The following DNAH7 variants were observed in gnomAD, a reference collection of about 807,000 sequenced individuals.
The protein encoded by DNAH7 is dynein axonemal heavy chain 7, also known as axonemal beta dynein heavy chain 7.
A neutral mutation model predicts 444.6 loss-of-function variants in DNAH7; 397 were observed. The ratio of observed to expected loss-of-function variants is 0.89; its 90% CI spans 0.82 to 0.97. DNAH7 has a LOEUF of 0.97. Ranked by LOEUF, DNAH7 falls within the 50% of genes least tolerant of loss-of-function variation. The pLI, the probability that DNAH7 is intolerant of heterozygous loss-of-function variation, is 0.00. For missense variants in DNAH7, 4,902 were observed against 4,800.8 expected, an observed-to-expected ratio of 1.02 and a Z score of -0.62; for synonymous variants, 1,636 against 1,624.4, an observed-to-expected ratio of 1.01 and a Z score of -0.17.
chr2:195,969,967 A>C lies in DNAH7; in HGVS notation c.2186T>G (p.Leu729Trp), dbSNP rs1364934988. The C allele has an allele frequency of 1.2e-6, 2 of 1,606,256 alleles. No homozygotes were observed. The highest frequency in any genetic ancestry group is 2.7e-5 in the African/African-American group (2 of 74,612). Residue 729 changes from leucine (L) to tryptophan (W), a missense_variant, in exon 17 of 65, where the codon TTG becomes TGG. Coordinates refer to ENST00000312428, the MANE Select transcript of DNAH7 (RefSeq NM_018897.3). Reference protein sequence around the residue: ...LKKAQILNGKLDLAADKIEQF... With the variant: ...LKKAQILNGKWDLAADKIEQF... ...TTATACCTTATCTGCAGCTAAATCC[A>C]ACTTTCCATTCAGTATTTGAGCCTT...
At chr2:195,983,714 G>A (rs1692722790) in intron 15 of DNAH7, among the ~76,000 whole-genome samples, 3 of 152,264 alleles carry the variant, frequency 2.0e-5, no homozygotes, top group Non-Finnish European at 1.5e-5. Context: ...TGATGAAAGT[G>A]AGACTTATCT....
rs1688353858 is a variant in DNAH7, at chr2:195,926,620, A to G, written c.3472-54T>C. The G allele has an allele frequency of 6.1e-6, 9 of 1,481,058 alleles. No homozygotes were observed. The South Asian group carries it at 1.1e-4, about 18-fold the overall frequency. The allele number at this position is 1,481,058 out of a possible 1,614,324, so 91.7% of individuals were successfully genotyped here. A position where few individuals can be genotyped will look rare whatever the true frequency, so the allele number is the denominator to read the frequency against. ...AACCATTTCCTGAACAAGTTATACA[A>G]TTGAGAGCTAAACTAAACTAGATTA... On this transcript the variant is annotated intron_variant, in intron 21 of 64. Transcript: ENST00000312428.
At chr2:195,849,760 C>A (rs1699236283) in intron 46 of DNAH7, among the ~76,000 whole-genome samples, 1 of 152,066 alleles carries the variant, frequency 6.6e-6, no homozygotes, top group Non-Finnish European at 1.5e-5. Context: ...CACCACCATG[C>A]CCGGATAATT....
intron 19 of DNAH7, among the ~76,000 whole-genome samples, chr2:195,940,658 A>G (rs536439418): frequency 6.6e-6 from 1 of 152,240 alleles, no homozygotes; most frequent in Admixed American, 6.5e-5. Flanking sequence ...CAGAATCTAC[A>G]AGGAACTTAA....
At chr2:196,049,857 A>T (rs552724576) in intron 3 of DNAH7, among the ~76,000 whole-genome samples, 8 of 152,354 alleles carry the variant, frequency 5.3e-5, no homozygotes, top group African/African-American at 1.9e-4. Context: ...GTAAACTAAC[A>T]ATCTGCAACA....
chr2:196,041,149 T>C (rs1158156286), intron 5 of DNAH7, among the ~76,000 whole-genome samples: 1 of 152,090 alleles, frequency 6.6e-6, no homozygotes, highest in Non-Finnish European at 1.5e-5. Context: ...ATACATTCAA[T>C]ACACTCCCTA....
At chr2:195,787,946 G>A (rs1442691811) in intron 57 of DNAH7, among the ~76,000 whole-genome samples, 1 of 152,148 alleles carries the variant, frequency 6.6e-6, no homozygotes, top group Non-Finnish European at 1.5e-5. Context: ...CTGCCACGGG[G>A]TGAGGAAACC....
rs59838531 is a variant in DNAH7, at chr2:195,771,771, T to C, written c.11322A>G (p.Pro3774=). 2 of 1,614,216 alleles carry C rather than the reference T, an allele frequency of 1.2e-6. No homozygotes were observed. Among genetic ancestry groups the C allele is most frequent in the African/African-American group, 2.7e-5 (2 of 75,064 alleles). ...FDIEAAMRRY[P]TTYTQSMNTV... ...TGTTCATGCTCTGAGTATAAGTTGT[T>C]GGGTACCTCCTCATGGCAGCCTCGA... Residue 3774 remains proline, a synonymous_variant, in exon 61 of 65, where the codon CCA becomes CCG. Transcript: ENST00000312428.
In DNAH7 at chr2:196,034,817, G is replaced by A. The variant is rs952914040; in HGVS notation, c.399-6770C>T. On this transcript the variant is annotated intron_variant, in intron 5 of 64. Coordinates refer to ENST00000312428, the MANE Select transcript of DNAH7 (RefSeq NM_018897.3). ...ATGCCAAAAAATTGAACATCAAACC[G>A]TACCTTACACCATAGACAAAAATGA... Among the ~76,000 whole-genome samples, 5 of 152,140 alleles carry A rather than the reference G, an allele frequency of 3.3e-5. 1 individual carries two copies. The South Asian group carries it at 6.2e-4, about 19-fold the overall frequency.
chr2:196,014,760 CCTTT>C (rs1029927737), intron 9 of DNAH7, among the ~76,000 whole-genome samples: 2 of 152,100 alleles, frequency 1.3e-5, no homozygotes, highest in Admixed American at 6.6e-5. Flanking sequence ...TGAAATTTTC[CCTTT>C]CTTAGGAACA....
intron 24 of DNAH7, among the ~76,000 whole-genome samples, chr2:195,921,692 A>G (rs1688037013): frequency 6.6e-6 from 1 of 152,214 alleles, no homozygotes; most frequent in Admixed American, 6.5e-5. Context: ...TCACCACTAA[A>G]GAACTTATCC....
chr2:195,848,114 G>A (rs1247030840), intron 46 of DNAH7, among the ~76,000 whole-genome samples: 1 of 152,158 alleles, frequency 6.6e-6, no homozygotes, highest in Non-Finnish European at 1.5e-5. Context: ...GAGGGTGCTG[G>A]GTGCTCACAG....
At chr2:196,044,201 ATATGTGTG>A (rs1361744579) in intron 5 of DNAH7, among the ~76,000 whole-genome samples, 4 of 132,712 alleles carry the variant, frequency 3.0e-5, no homozygotes, top group South Asian at 4.4e-4. Flanking sequence ...ATATATATAT[ATATGTGTG>A]TGTGTGTGTG....
At chr2:195,820,534 A>G (rs182884374) in intron 49 of DNAH7, among the ~76,000 whole-genome samples, 1 of 152,082 alleles carries the variant, frequency 6.6e-6, no homozygotes, top group African/African-American at 2.4e-5. Flanking sequence ...AACTACCACA[A>G]ATCATCAGAG....
intron 1 of DNAH7, among the ~76,000 whole-genome samples, chr2:196,060,713 G>A (rs1464242479): frequency 6.6e-6 from 1 of 152,086 alleles, no homozygotes; most frequent in Non-Finnish European, 1.5e-5. Flanking sequence ...TCTCCAGTGA[G>A]GTATTTATTC....
chr2:195,845,788 G>A (rs1698952029), intron 46 of DNAH7, among the ~76,000 whole-genome samples: 4 of 152,192 alleles, frequency 2.6e-5, no homozygotes, highest in Admixed American at 2.0e-4. Flanking sequence ...AATGGTGCTA[G>A]GGTAACTGGC....
chr2:195,927,761 T>G (rs1308667045), intron 21 of DNAH7, among the ~76,000 whole-genome samples: 1 of 151,504 alleles, frequency 6.6e-6, no homozygotes, highest in Admixed American at 6.6e-5. Flanking sequence ...ATGATATATA[T>G]AGAATAACAT....
At chr2:195,836,572 G>A (rs1337422677) in intron 47 of DNAH7, among the ~76,000 whole-genome samples, 1 of 151,732 alleles carries the variant, frequency 6.6e-6, no homozygotes, top group African/African-American at 2.4e-5. Context: ...AAAATTTGGT[G>A]GGGCAGCATA....
intron 51 of DNAH7, among the ~76,000 whole-genome samples, chr2:195,816,128 C>T (rs1209754366): frequency 6.6e-6 from 1 of 151,986 alleles, no homozygotes. Flanking sequence ...ATTGTAATAG[C>T]CAACAGTAAT....
Sources: gnomAD v4.1 joint callset for allele counts (sites outside exome capture counted in the v4.1 genomes callset) on GRCh38, gnomAD v4.1.1 for gene constraint, MANE v1.5 for transcripts, NCBI Gene and HGNC (gene_info 2026-07-23, HGNC 2026-07-21) for gene names.